Variants in ERICH1 observed in about 807,000 individuals in gnomAD.
ERICH1 encodes glutamate-rich protein 1.
In ERICH1, 56 loss-of-function variants were observed where a neutral mutation model predicts 39.6. The ratio of observed to expected loss-of-function variants is 1.41; its 90% CI spans 1.14 to 1.77. The LOEUF is 1.77. Among genes scored for constraint, ERICH1 ranks in the 40% most tolerant of loss-of-function variants. The probability of loss-of-function intolerance (pLI) is 0.00; values close to 1 mark genes in which losing one functional copy is unlikely to be tolerated. For synonymous variants in ERICH1, 313 were observed against 223.6 expected, an observed-to-expected ratio of 1.40 and a Z score of -3.57; for missense variants, 826 against 575.4, an observed-to-expected ratio of 1.44 and a Z score of -4.45.
In ERICH1 at chr8:724,284, C is replaced by T. The variant is rs527662390; in HGVS notation, c.22+6856G>A. 1.3e-4 allele frequency among the ~76,000 whole-genome samples: 20 copies of T among 152,224 alleles called. No homozygotes were observed. The South Asian group carries it at 3.7e-3, about 28-fold the overall frequency. ...CAGGAGGATTACTGGAGAACCAGCC[C>T]GGACAACATAGTGAGATCCGATCTC... On this transcript the variant is annotated intron_variant, in intron 1 of 5. Coordinates refer to ENST00000262109, the MANE Select transcript of ERICH1 (RefSeq NM_207332.3).
chr8:686,460 A>AAAAC (rs1554510351), intron 3 of ERICH1, among the ~76,000 whole-genome samples: 23 of 151,682 alleles, frequency 1.5e-4, no homozygotes, highest in Non-Finnish European at 2.1e-4. Flanking sequence ...AAAAAAAAAA[A>AAAAC]AAAAACAAAA....
At chr8:656,032 C>A (rs567890485) in intron 3 of ERICH1, among the ~76,000 whole-genome samples, 1 of 152,128 alleles carries the variant, frequency 6.6e-6, no homozygotes, top group Admixed American at 6.5e-5. Context: ...TCTGTGCCTG[C>A]AGACTCATGG....
At chr8:685,172 C>T (rs796463056) in intron 3 of ERICH1, among the ~76,000 whole-genome samples, 2 of 152,186 alleles carry the variant, frequency 1.3e-5, no homozygotes, top group African/African-American at 4.8e-5. Flanking sequence ...TCCGTCCCCC[C>T]AGGAATGCAT....
chr8:726,627 G>A (rs1310483215), intron 1 of ERICH1, among the ~76,000 whole-genome samples: 1 of 143,906 alleles, frequency 6.9e-6, no homozygotes, highest in African/African-American at 2.6e-5. Flanking sequence ...CATAGACACA[G>A]GTGAACACAC....
chr8:631,981 G>C (rs1395984792), intron 3 of ERICH1, among the ~76,000 whole-genome samples: 1 of 152,128 alleles, frequency 6.6e-6, no homozygotes, highest in Non-Finnish European at 1.5e-5. Context: ...TTCCAGGGCT[G>C]GGTCAGACAT....
chr8:687,303 T>G (rs1457985660), intron 3 of ERICH1, among the ~76,000 whole-genome samples: 1 of 152,244 alleles, frequency 6.6e-6, no homozygotes, highest in Admixed American at 6.5e-5. Flanking sequence ...AACACTTGCC[T>G]TACGGGCTGT....
chr8:656,250 T>G (rs947711368), intron 3 of ERICH1, among the ~76,000 whole-genome samples: 54 of 152,208 alleles, frequency 3.5e-4, no homozygotes, highest in Non-Finnish European at 6.9e-4. Context: ...GGGTGCTCAG[T>G]GCCAGCAGCT....
intron 3 of ERICH1, among the ~76,000 whole-genome samples, chr8:685,445 G>C (rs1414372582): frequency 6.6e-6 from 1 of 152,194 alleles, no homozygotes; most frequent in African/African-American, 2.4e-5. Context: ...ACAGGGTCCT[G>C]AGGCAACATA....
intron 3 of ERICH1, among the ~76,000 whole-genome samples, chr8:632,232 T>C (rs1356184943): frequency 6.6e-6 from 1 of 152,224 alleles, no homozygotes; most frequent in Admixed American, 6.5e-5. Flanking sequence ...CTATTGTGTG[T>C]CGTGTTTATC....
At chr8:680,370 A>T in intron 3 of ERICH1, among the ~76,000 whole-genome samples, 1 of 150,404 alleles carries the variant, frequency 6.6e-6, no homozygotes, top group African/African-American at 2.4e-5. Flanking sequence ...ATGCAAGAGA[A>T]TCCACAGCTG....
intron 3 of ERICH1, among the ~76,000 whole-genome samples, chr8:651,439 C>T (rs1462610840): frequency 6.6e-6 from 1 of 152,204 alleles, no homozygotes; most frequent in Non-Finnish European, 1.5e-5. Flanking sequence ...TTCCGGTAAG[C>T]CTGGGGCTTC....
chr8:687,148 A>G (rs1435014533), intron 3 of ERICH1, among the ~76,000 whole-genome samples: 2 of 152,216 alleles, frequency 1.3e-5, no homozygotes, highest in Non-Finnish European at 2.9e-5. Flanking sequence ...GTTAGTAACT[A>G]TTTCAACTGG....
At chr8:694,794 A>G (rs908482274) in intron 2 of ERICH1, among the ~76,000 whole-genome samples, 9 of 152,168 alleles carry the variant, frequency 5.9e-5, no homozygotes, top group African/African-American at 1.4e-4. Flanking sequence ...TGAACGTTAC[A>G]TGTCTTGATC....
chr8:724,324 G>T (rs113707171), intron 1 of ERICH1, among the ~76,000 whole-genome samples: 1 of 152,218 alleles, frequency 6.6e-6, no homozygotes, highest in Non-Finnish European at 1.5e-5. Flanking sequence ...AATAAAAAAG[G>T]AGAAGAAAGA....
At position 644,556 on chromosome 8, in the gene ERICH1, C is replaced by T. The variant is rs140363139; in HGVS notation, c.976+24042G>A. Among the ~76,000 whole-genome samples, 172 of 68,710 alleles carry T rather than the reference C, an allele frequency of 2.5e-3. 58 individuals are homozygous for T. Among genetic ancestry groups the T allele is most frequent in the Middle Eastern group, 0.017 (2 of 118 alleles). The allele number at this position is 68,710 out of a possible 152,430, so 45.1% of individuals were successfully genotyped here. A position where few individuals can be genotyped will look rare whatever the true frequency, so the allele number is the denominator to read the frequency against. ...ATTTTCATTTTGTTTCTAATGAGAACGTAATGTGATACAAGGCTAACCTCA... is the reference window on the plus strand; with the variant it reads ...ATTTTCATTTTGTTTCTAATGAGAATGTAATGTGATACAAGGCTAACCTCA... On this transcript the variant is annotated intron_variant, in intron 3 of 3. Transcript: ENST00000522706.
intron 3 of ERICH1, among the ~76,000 whole-genome samples, chr8:680,106 A>T (rs1241944979): frequency 1.5e-3 from 125 of 83,534 alleles, no homozygotes; most frequent in Non-Finnish European, 2.4e-3. Flanking sequence ...TGAACACAGA[A>T]AGTCCAAGAG....
At chr8:633,427 G>A (rs1798177270) in intron 3 of ERICH1, among the ~76,000 whole-genome samples, 1 of 152,190 alleles carries the variant, frequency 6.6e-6, no homozygotes, top group Non-Finnish European at 1.5e-5. Context: ...AGTGTGGGAA[G>A]AAAAGGGCCC....
intron 3 of ERICH1, among the ~76,000 whole-genome samples, chr8:677,041 G>A (rs1805005238): frequency 6.6e-6 from 1 of 152,162 alleles, no homozygotes; most frequent in Non-Finnish European, 1.5e-5. Flanking sequence ...ATTCTCCTCT[G>A]TCTCAACAGC....
intron 3 of ERICH1, among the ~76,000 whole-genome samples, chr8:620,511 A>G (rs908183014): frequency 1.3e-5 from 2 of 152,224 alleles, no homozygotes; most frequent in Non-Finnish European, 1.5e-5. Flanking sequence ...AGTATCTGCA[A>G]TGTACACTGA....
Sources: allele counts gnomAD v4.1 joint callset (sites outside exome capture counted in the v4.1 genomes callset), GRCh38; gene constraint gnomAD v4.1.1; transcripts MANE v1.5; gene names NCBI Gene and HGNC (gene_info 2026-07-23, HGNC 2026-07-21).